GREB1L: variants seen among roughly 807,000 people sequenced by gnomAD.
GREB1L encodes GREB1-like protein.
A neutral mutation model predicts 200.8 loss-of-function variants in GREB1L; 17 were observed. The ratio of observed to expected loss-of-function variants is 0.08; its 90% CI spans 0.06 to 0.13. GREB1L has a LOEUF of 0.13. Among genes scored for constraint, GREB1L ranks in the 10% least tolerant of loss-of-function variants. GREB1L has a pLI of 1.00. For synonymous variants in GREB1L, 789 were observed against 893.0 expected (o/e 0.88, Z 2.08); for missense variants, 1,657 against 2,367.7 (o/e 0.70, Z 6.23).
At position 21,485,693 on chromosome 18, in the gene GREB1L, C is replaced by T. The variant is rs752386800; in HGVS notation, c.2630C>T (p.Thr877Met). ...AGCAAGTCTCTGCAGTGGGGGATCA[C>T]GAGCCCACTTCTGAGATGTGACGAG... ...EYSKSLQWGITSPLLRCDETF... is the reference protein window; with the variant it reads ...EYSKSLQWGIMSPLLRCDETF... Residue 877 changes from threonine to methionine, a missense_variant, in exon 18 of 33, where the codon ACG (threonine) becomes ATG (methionine). This residue lies in a region of GREB1L where 82 missense variants were observed against 95.9 expected (regional missense o/e 0.85). Transcript: ENST00000424526. 9 of 1,551,020 alleles carry T rather than the reference C, an allele frequency of 5.8e-6. No individual in the cohort carries two copies. Among genetic ancestry groups the T allele is most frequent in the South Asian group, 3.6e-5 (3 of 84,052 alleles).
Position 21,401,369 on chromosome 18 carries a change from T to C in GREB1L, c.709+43T>C, listed in dbSNP as rs928464778. 21 of 1,479,728 alleles carry C rather than the reference T, an allele frequency of 1.4e-5. No individual in the cohort carries two copies. In the African/African-American group the frequency reaches 2.9e-4, roughly 21 times the overall value. The allele number at this position is 1,479,728 out of a possible 1,614,324, so 91.7% of individuals were successfully genotyped here. On this transcript the variant is annotated intron_variant, in intron 6 of 32. Transcript: ENST00000424526. ...AGAAAAGGGGAGGGAATGGAGATTT[T>C]ACGGTGGTGACAAGTGACCCATACA...
chr18:21,324,351 A>G (rs1431425651), intron 1 of GREB1L, among the ~76,000 whole-genome samples: 1 of 152,146 alleles, frequency 6.6e-6, no homozygotes, highest in Admixed American at 6.6e-5. Context: ...TGTACTCCCT[A>G]TTTCTATGGT....
At chr18:21,252,920 G>T (rs2037736201) in intron 1 of GREB1L, among the ~76,000 whole-genome samples, 1 of 152,130 alleles carries the variant, frequency 6.6e-6, no homozygotes, top group African/African-American at 2.4e-5. Flanking sequence ...AGGGTTTCCT[G>T]TTTGCTCAGA....
chr18:21,276,277 T>G (rs1367660580), intron 1 of GREB1L, among the ~76,000 whole-genome samples: 1 of 152,224 alleles, frequency 6.6e-6, no homozygotes. Context: ...TTAAGACCCA[T>G]TCTCTGACCT....
chr18:21,352,098 T>A (rs1398977321), intron 1 of GREB1L, among the ~76,000 whole-genome samples: 1 of 151,838 alleles, frequency 6.6e-6, no homozygotes, highest in Non-Finnish European at 1.5e-5. Context: ...CACCTGCCTC[T>A]GCCTCCCAAA....
At chr18:21,506,015 G>T (rs998089673) in intron 25 of GREB1L, 66 bp downstream of exon 25, 4 of 1,448,822 alleles carry the variant, frequency 2.8e-6, no homozygotes, top group Non-Finnish European at 2.8e-6. Flanking sequence ...AGGGTGGGGG[G>T]TGGAGGGATG....
chr18:21,448,175 C>A (rs2034334307), intron 11 of GREB1L, among the ~76,000 whole-genome samples: 2 of 89,558 alleles, frequency 2.2e-5, no homozygotes, highest in Non-Finnish European at 5.6e-5. Context: ...AAAAAAAAAG[C>A]AGCAGCAGCA....
Position 21,444,271 on chromosome 18 carries a change from G to C in GREB1L, c.1255G>C (p.Val419Leu). The C allele has an allele frequency of 6.4e-7, 1 of 1,551,670 alleles. No homozygotes were observed. Among genetic ancestry groups the C allele is most frequent in the Non-Finnish European group, 8.7e-7 (1 of 1,146,818 alleles). ...CTATGGAAATGTTGGTGACATTGTTGTGAGTCCTCTGCTGGTGAATTGCTA... is the reference window on the plus strand; with the variant it reads ...CTATGGAAATGTTGGTGACATTGTTCTGAGTCCTCTGCTGGTGAATTGCTA... ...YFYGNVGDIV[V>L]SPLLVNCYKI... The change falls in exon 11 of 33, where the codon GTG becomes CTG. Residue 419 changes from valine to leucine, a missense_variant. Physicochemically the swap from Val to Leu is conservative, Grantham distance 32. Transcript: ENST00000424526.
chr18:21,388,856 A>G (rs1181217255), intron 4 of GREB1L, among the ~76,000 whole-genome samples: 2 of 152,018 alleles, frequency 1.3e-5, no homozygotes, highest in Non-Finnish European at 2.9e-5. Context: ...AATTCATTTG[A>G]TGTTTTTCTC....
Position 21,336,041 on chromosome 18 carries a change from G to C in GREB1L, c.-119-29986G>C, listed in dbSNP as rs545665296. On this transcript the variant is annotated intron_variant, in intron 1 of 32. Coordinates refer to ENST00000424526, the MANE Select transcript of GREB1L (RefSeq NM_001142966.3). ...AGTGAGAGGATGCTAGATGAGCAAG[G>C]CTGCACTGACGTTCTATCTTGGTCT... 9.5e-4 allele frequency among the ~76,000 whole-genome samples: 144 copies of C among 152,190 alleles called. 1 individual carries two copies. Among genetic ancestry groups the C allele is most frequent in the African/African-American group, 3.3e-3 (135 of 41,522 alleles).
At chr18:21,405,639 A>C (rs1033729173) in intron 7 of GREB1L, among the ~76,000 whole-genome samples, 1 of 152,072 alleles carries the variant, frequency 6.6e-6, no homozygotes, top group Non-Finnish European at 1.5e-5. Context: ...CGTCTCTATC[A>C]AATACACAAA....
At chr18:21,403,433 G>A (rs1200352495) in intron 6 of GREB1L, among the ~76,000 whole-genome samples, 1 of 152,134 alleles carries the variant, frequency 6.6e-6, no homozygotes, top group Non-Finnish European at 1.5e-5. Context: ...CTAAATTAAG[G>A]TTGAGAAGAG....
intron 12 of GREB1L, among the ~76,000 whole-genome samples, chr18:21,450,129 A>G (rs1021677071): frequency 6.6e-6 from 1 of 152,212 alleles, no homozygotes; most frequent in Non-Finnish European, 1.5e-5. Flanking sequence ...AGATTTTGGA[A>G]ATGTTACTAC....
At chr18:21,509,513 C>G (rs1307485700) in intron 27 of GREB1L, among the ~76,000 whole-genome samples, 1 of 152,220 alleles carries the variant, frequency 6.6e-6, no homozygotes, top group Non-Finnish European at 1.5e-5. Context: ...CTTCTTAGGT[C>G]TCTCCCATTT....
At chr18:21,279,666 T>A (rs1239707638) in intron 1 of GREB1L, among the ~76,000 whole-genome samples, 1 of 152,080 alleles carries the variant, frequency 6.6e-6, no homozygotes, top group East Asian at 1.9e-4. Context: ...AGAGGTGGGG[T>A]CTTGCTATGT....
intron 10 of GREB1L, among the ~76,000 whole-genome samples, chr18:21,442,736 GA>G (rs985456704): frequency 2.0e-5 from 3 of 150,180 alleles, no homozygotes; most frequent in Non-Finnish European, 2.9e-5. Context: ...CCAAGCACCT[GA>G]AACTAGAAGA....
At chr18:21,477,409 G>C in intron 17 of GREB1L, 53 bp downstream of exon 17, 2 of 1,340,180 alleles carry the variant, frequency 1.5e-6, no homozygotes, top group South Asian at 1.7e-5. Context: ...GTTCCCAAGA[G>C]GGTAGGACCT....
rs540114520 is a variant in GREB1L at position 21,491,668 on chromosome 18, G to A, written c.3030+1317G>A. Among the ~76,000 whole-genome samples, 27 of 150,136 alleles carry A rather than the reference G, an allele frequency of 1.8e-4. 1 individual carries two copies. Among genetic ancestry groups the A allele is most frequent in the Admixed American group, 1.6e-3 (24 of 15,064 alleles). ...GCGGAGCTTGCAGTGAGCCAAGATC[G>A]CACCACTGCACTCCAGCCTGGGCGA... is the stretch of plus-strand genomic sequence containing the variant. On this transcript the variant is annotated intron_variant, in intron 19 of 32. Coordinates refer to ENST00000424526, the MANE Select transcript of GREB1L (RefSeq NM_001142966.3).
chr18:21,332,647 A>G (rs2039122666), intron 1 of GREB1L, among the ~76,000 whole-genome samples: 2 of 151,808 alleles, frequency 1.3e-5, no homozygotes, highest in Admixed American at 1.3e-4. Context: ...GCTAATTTTT[A>G]TATTTTTAGT....
Sources: gnomAD v4.1 joint callset for allele counts (sites outside exome capture counted in the v4.1 genomes callset) on GRCh38, gnomAD v4.1.1 for gene constraint, gnomAD v4.1.1 regional missense constraint, MANE v1.5 for transcripts, NCBI Gene and HGNC (gene_info 2026-07-23, HGNC 2026-07-21) for gene names.